TAF3: variants seen among roughly 807,000 people sequenced by gnomAD.
TAF3 encodes transcription initiation factor TFIID subunit 3.
In TAF3, 7 loss-of-function variants were observed where a neutral mutation model predicts 80.6. The ratio of observed to expected loss-of-function variants is 0.09; its 90% CI spans 0.05 to 0.16. TAF3 has a LOEUF of 0.16. Among genes scored for constraint, TAF3 ranks in the 10% least tolerant of loss-of-function variants. TAF3 has a pLI of 1.00. For missense variants in TAF3, 921 were observed against 1,140.2 expected (o/e 0.81, Z 2.77); for synonymous variants, 444 against 446.1 (o/e 1.00, Z 0.06).
chr10:7,915,377 G>A (rs1206228762), intron 2 of TAF3, among the ~76,000 whole-genome samples: 3 of 149,568 alleles, frequency 2.0e-5, no homozygotes, highest in Non-Finnish European at 4.5e-5. Flanking sequence ...GGGCGCAGTG[G>A]CTCACGCCTG....
At chr10:7,924,455 C>T (rs911588936) in intron 2 of TAF3, among the ~76,000 whole-genome samples, 5 of 152,122 alleles carry the variant, frequency 3.3e-5, no homozygotes, top group African/African-American at 7.2e-5. Context: ...GTGAGCTTTG[C>T]TTGTTAAGTC....
intron 2 of TAF3, among the ~76,000 whole-genome samples, chr10:7,891,030 G>T (rs1279212214): frequency 6.6e-6 from 1 of 152,204 alleles, no homozygotes; most frequent in Non-Finnish European, 1.5e-5. Context: ...CGTTGAATTG[G>T]GGCCCCGCCC....
chr10:8,013,604 C>T (rs1832074131), intron 5 of TAF3, 127 bp from the exon 6 acceptor site: 1 of 633,720 alleles, frequency 1.6e-6, no homozygotes, highest in Non-Finnish European at 2.8e-6. Flanking sequence ...TGCTGATCTA[C>T]TATATTTTTT....
intron 4 of TAF3, among the ~76,000 whole-genome samples, chr10:8,005,075 CTGTT>C (rs1239349392): frequency 1.3e-5 from 2 of 152,094 alleles, no homozygotes; most frequent in African/African-American, 4.8e-5. Flanking sequence ...TCTAGAAGGT[CTGTT>C]TGGTTCTTTT....
rs1317495858 is a variant in TAF3 at position 7,818,743 on chromosome 10, G to A, written c.34G>A (p.Val12Ile). The A allele has an allele frequency of 1.2e-6, 2 of 1,605,028 alleles. No individual in the cohort carries two copies. The highest frequency in any genetic ancestry group is 1.7e-6 in the Non-Finnish European group (2 of 1,178,436). The change falls in exon 1 of 7, where the codon GTC becomes ATC. Residue 12 changes from valine (V) to isoleucine (I), a missense_variant. By Grantham distance (29) the Val-to-Ile change is conservative (BLOSUM62 3). Around this residue, in one of 6 missense-constraint regions of TAF3, gnomAD observed 106 missense variants for 191.8 expected, o/e 0.55. Coordinates refer to ENST00000344293, the MANE Select transcript of TAF3 (RefSeq NM_031923.4). ...GAGTTACTCCAGGTCGTTGTTGAGGGTCTCGGTGGCGCAGATCTGCCAGGC... is the reference window on the plus strand; with the variant it reads ...GAGTTACTCCAGGTCGTTGTTGAGGATCTCGGTGGCGCAGATCTGCCAGGC... ...CESYSRSLLR[V>I]SVAQICQALG...
chr10:7,889,057 G>T (rs1306921266), intron 2 of TAF3, among the ~76,000 whole-genome samples: 2 of 152,090 alleles, frequency 1.3e-5, no homozygotes, highest in Non-Finnish European at 2.9e-5. Flanking sequence ...AACATCTCCA[G>T]TTCCCAGTTC....
intron 2 of TAF3, among the ~76,000 whole-genome samples, chr10:7,877,163 G>C (rs983503829): frequency 6.6e-6 from 1 of 151,820 alleles, no homozygotes; most frequent in African/African-American, 2.4e-5. Context: ...CACAAATTTA[G>C]GTGATAATTA....
chr10:7,975,267 T>C (rs1831662260), intron 3 of TAF3, among the ~76,000 whole-genome samples: 1 of 152,120 alleles, frequency 6.6e-6, no homozygotes, highest in South Asian at 2.1e-4. Context: ...GCCTCACCGG[T>C]ATTTCCTGTG....
intron 4 of TAF3, among the ~76,000 whole-genome samples, chr10:7,994,118 T>G (rs565001038): frequency 6.6e-6 from 1 of 151,748 alleles, no homozygotes; most frequent in East Asian, 1.9e-4. Flanking sequence ...CTTTCTCTTT[T>G]GTTTTCATGT....
chr10:7,925,823 G>C (rs369643659), intron 2 of TAF3, among the ~76,000 whole-genome samples: 2 of 138,366 alleles, frequency 1.4e-5, no homozygotes, highest in Non-Finnish European at 1.6e-5. Context: ...GAAAAGAAAA[G>C]AAAAGAAAAA....
At chr10:7,997,250 T>C (rs919938884) in intron 4 of TAF3, among the ~76,000 whole-genome samples, 4 of 152,250 alleles carry the variant, frequency 2.6e-5, no homozygotes, top group Admixed American at 6.5e-5. Context: ...CCGTTCACTT[T>C]TAGAAGTAAA....
chr10:7,982,051 A>G (rs1037087217), intron 4 of TAF3, among the ~76,000 whole-genome samples: 3 of 152,214 alleles, frequency 2.0e-5, no homozygotes, highest in African/African-American at 7.2e-5. Context: ...ATATTTTAAA[A>G]TATAGCCAGA....
chr10:7,906,813 G>A (rs904455223), intron 2 of TAF3, among the ~76,000 whole-genome samples: 3 of 150,850 alleles, frequency 2.0e-5, no homozygotes, highest in Admixed American at 6.6e-5. Flanking sequence ...AAACTCCAGG[G>A]CTCAACTGAT....
chr10:7,936,768 G>C (rs11255450), intron 2 of TAF3, among the ~76,000 whole-genome samples: 56,071 of 151,968 alleles, frequency 0.37, 11,526 homozygotes, highest in Admixed American at 0.49. Flanking sequence ...ATAAAGACAT[G>C]TATCTACCAT....
At chr10:7,912,979 A>G (rs1039485794) in intron 2 of TAF3, among the ~76,000 whole-genome samples, 1 of 152,272 alleles carries the variant, frequency 6.6e-6, no homozygotes, top group Admixed American at 6.5e-5. Flanking sequence ...CTAGTTCTGG[A>G]GAATGGGAGT....
intron 4 of TAF3, among the ~76,000 whole-genome samples, chr10:8,000,574 C>G (rs1440433225): frequency 6.6e-6 from 1 of 151,830 alleles, no homozygotes; most frequent in Non-Finnish European, 1.5e-5. Flanking sequence ...CCAGACCAGC[C>G]TGGGCAACAT....
At position 8,015,097 on chromosome 10, in the gene TAF3, T is replaced by C. The variant is rs184026459; in HGVS notation, c.*346T>C. 1.5e-4 allele frequency: 27 copies of C among 181,400 alleles called. No homozygotes were observed. Among genetic ancestry groups the C allele is most frequent in the African/African-American group, 6.1e-4 (26 of 42,534 alleles). The allele number at this position is 181,400 out of a possible 1,614,324, so 11.2% of individuals were successfully genotyped here. A position where few individuals can be genotyped will look rare whatever the true frequency, so the allele number is the denominator to read the frequency against. The stretch of plus-strand genomic sequence containing the variant: ...TCTCTCCAGGGCCTTTTCATTGAGG[T>C]ATTAGATGAGAAGATAATGTACAAA... On this transcript the variant is annotated 3_prime_UTR_variant, in exon 7 of 7. Coordinates refer to ENST00000344293, the MANE Select transcript of TAF3 (RefSeq NM_031923.4).
chr10:7,940,135 A>G (rs1837963662), intron 2 of TAF3, among the ~76,000 whole-genome samples: 1 of 152,250 alleles, frequency 6.6e-6, no homozygotes, highest in Non-Finnish European at 1.5e-5. Flanking sequence ...TGTGAAGGTT[A>G]GAAGATGGTA....
At chr10:7,988,768 A>AAAAAAAAAAAAAC (rs1831804934) in intron 4 of TAF3, among the ~76,000 whole-genome samples, 1 of 150,462 alleles carries the variant, frequency 6.6e-6, no homozygotes, top group African/African-American at 2.4e-5. Flanking sequence ...AAAAAAAAAA[A>AAAAAAAAAAAAAC]AAATCAAGAT....
Sources: gnomAD v4.1 joint callset for allele counts (sites outside exome capture counted in the v4.1 genomes callset) on GRCh38, gnomAD v4.1.1 for gene constraint, gnomAD v4.1.1 regional missense constraint, MANE v1.5 for transcripts, NCBI Gene and HGNC (gene_info 2026-07-23, HGNC 2026-07-21) for gene names.